The following LRRIQ3 variants were observed in gnomAD, a reference collection of about 807,000 sequenced individuals.
LRRIQ3 encodes the protein leucine rich repeats and IQ motif containing 3.
A neutral mutation model predicts 59.3 loss-of-function variants in LRRIQ3; 75 were observed. The ratio of observed to expected loss-of-function variants is 1.26; its 90% CI spans 1.05 to 1.53. LRRIQ3 has a LOEUF of 1.53. Ranked by LOEUF, LRRIQ3 falls within the 40% of genes most tolerant of loss-of-function variation. LRRIQ3 has a pLI of 0.00. For missense variants in LRRIQ3, 831 were observed against 710.0 expected, an observed-to-expected ratio of 1.17 and a Z score of -1.94; for synonymous variants, 250 against 231.3, an observed-to-expected ratio of 1.08 and a Z score of -0.73.
rs140503197 is a variant in LRRIQ3, at chr1:74,111,820, A to T, written c.708-2267T>A. Among the ~76,000 whole-genome samples the T allele has an allele frequency of 3.6e-3, 541 of 152,212 alleles. 4 individuals carry two copies. Among genetic ancestry groups the T allele is most frequent in the Admixed American group, 0.011 (174 of 15,256 alleles). On this transcript the variant is annotated intron_variant, in intron 4 of 7. Transcript: ENST00000354431. ...ACCCTGAATAAGTACAGCCAAGAAC[A>T]TAGGATCCCTCTACTACTGGGTCCC...
intron 5 of LRRIQ3, among the ~76,000 whole-genome samples, chr1:74,090,280 G>T (rs1469551963): frequency 6.6e-6 from 1 of 151,444 alleles, no homozygotes; most frequent in African/African-American, 2.4e-5. Context: ...AATAAATCAG[G>T]ATTCAAGATA....
rs374154281 is a variant in LRRIQ3 at position 74,183,471 on chromosome 1, T to C, written c.214A>G (p.Ile72Val). Residue 72 changes from isoleucine to valine, a missense_variant, in exon 2 of 8, where the codon ATA (isoleucine) becomes GTA (valine). Ile to Val is a conservative substitution (Grantham distance 29). Coordinates refer to ENST00000354431, the MANE Select transcript of LRRIQ3 (RefSeq NM_001105659.2). ...TGGAGATCAAGTTTGATTAATTTTA[T>C]ACAACTTTGAAGTGGATGAATATCT... The part of the protein sequence containing the change: ...ITDIHPLQSC[I>V]KLIKLDLHGN... 7 of 1,600,632 alleles carry C rather than the reference T, an allele frequency of 4.4e-6. No homozygotes were observed. Among genetic ancestry groups the C allele is most frequent in the Non-Finnish European group, 6.0e-6 (7 of 1,173,660 alleles).
At chr1:74,111,254 G>A (rs1646689913) in intron 4 of LRRIQ3, among the ~76,000 whole-genome samples, 1 of 151,922 alleles carries the variant, frequency 6.6e-6, no homozygotes, top group Non-Finnish European at 1.5e-5. Flanking sequence ...CTACTATGTA[G>A]AGACAGATAG....
At chr1:74,034,557 T>C (rs1215340528) in intron 7 of LRRIQ3, among the ~76,000 whole-genome samples, 1 of 151,886 alleles carries the variant, frequency 6.6e-6, no homozygotes, top group Non-Finnish European at 1.5e-5. Context: ...TTTCAATACA[T>C]ACTAGCTTTC....
At chr1:74,128,691 G>A (rs574171560) in intron 4 of LRRIQ3, among the ~76,000 whole-genome samples, 2 of 152,130 alleles carry the variant, frequency 1.3e-5, no homozygotes, top group East Asian at 3.9e-4. Context: ...GAAGAATTGG[G>A]TATTTATTGG....
rs1431817138 is a variant in LRRIQ3, at chr1:74,041,312, T to A, written c.1619A>T (p.Lys540Met). 1 of 1,613,810 alleles carries A rather than the reference T, an allele frequency of 6.2e-7. No homozygotes were observed. Among genetic ancestry groups the A allele is most frequent in the South Asian group, 1.1e-5 (1 of 91,018 alleles). ...RGLLKIDRLE[K>M]NEAVLKEKSL... The stretch of plus-strand genomic sequence containing the variant: ...TTTCTCTTTTAGGACAGCCTCATTC[T>A]TCTCCAGTCTGTCAATTTTAAGTAG... The change falls in exon 7 of 8, where the codon AAG becomes ATG. Residue 540 changes from lysine (K) to methionine (M), a missense_variant. By Grantham distance (95) the Lys-to-Met change is moderately conservative. Coordinates refer to ENST00000354431, the MANE Select transcript of LRRIQ3 (RefSeq NM_001105659.2).
intron 4 of LRRIQ3, among the ~76,000 whole-genome samples, chr1:74,149,680 T>C (rs1468773142): frequency 6.6e-6 from 1 of 152,234 alleles, no homozygotes. Context: ...ATACTACTTT[T>C]CTTATTCCCC....
At chr1:74,027,089 A>T in intron 7 of LRRIQ3, 120 bp from the exon 8 acceptor site, 1 of 571,850 alleles carries the variant, frequency 1.7e-6, no homozygotes, top group Non-Finnish European at 2.9e-6. Flanking sequence ...ACAAGTGAGA[A>T]AGACACAACT....
intron 1 of LRRIQ3, among the ~76,000 whole-genome samples, chr1:74,183,918 A>T (rs1650184685): frequency 6.6e-6 from 1 of 152,050 alleles, no homozygotes; most frequent in Admixed American, 6.6e-5. Context: ...ACTAATTAGC[A>T]AGAGGAAGAC....
At chr1:74,100,813 A>G (rs1018805919) in intron 5 of LRRIQ3, among the ~76,000 whole-genome samples, 1 of 151,946 alleles carries the variant, frequency 6.6e-6, no homozygotes, top group Non-Finnish European at 1.5e-5. Flanking sequence ...TGGGGAAAGG[A>G]TTCCCTATTT....
chr1:74,114,846 A>G (rs1646756173), intron 4 of LRRIQ3, among the ~76,000 whole-genome samples: 1 of 152,018 alleles, frequency 6.6e-6, no homozygotes, highest in Non-Finnish European at 1.5e-5. Context: ...AAAGCTGTAA[A>G]AGAAGAGAGG....
chr1:74,106,911 G>C (rs553923940), intron 5 of LRRIQ3, among the ~76,000 whole-genome samples: 1 of 152,022 alleles, frequency 6.6e-6, no homozygotes, highest in South Asian at 2.1e-4. Flanking sequence ...GTAAGCCATG[G>C]AAAAGTAATG....
chr1:74,133,315 G>C (rs1043505841), intron 4 of LRRIQ3, among the ~76,000 whole-genome samples: 18 of 152,088 alleles, frequency 1.2e-4, no homozygotes, highest in Non-Finnish European at 2.2e-4. Context: ...GATTCCTCAG[G>C]GATCTAGAAC....
chr1:74,148,386 T>C (rs1647710256), intron 4 of LRRIQ3, among the ~76,000 whole-genome samples: 1 of 152,072 alleles, frequency 6.6e-6, no homozygotes, highest in African/African-American at 2.4e-5. Flanking sequence ...TAGCAAGACT[T>C]TGCTGGTGAC....
chr1:74,164,943 T>C (rs574064862), intron 3 of LRRIQ3, among the ~76,000 whole-genome samples: 7 of 151,634 alleles, frequency 4.6e-5, no homozygotes, highest in Admixed American at 4.6e-4. Context: ...TCAAATTACA[T>C]TTGTACCTTT....
chr1:74,124,997 G>T (rs567062296), intron 4 of LRRIQ3, among the ~76,000 whole-genome samples: 1 of 150,464 alleles, frequency 6.6e-6, no homozygotes, highest in Non-Finnish European at 1.5e-5. Flanking sequence ...AGGAACATAT[G>T]TATTTCCATT....
rs1254709372 is a variant in LRRIQ3, at chr1:74,026,048, A to G, written c.*765T>C. The G allele has an allele frequency of 6.6e-6, 1 of 151,872 alleles. No individual in the cohort carries two copies. Among genetic ancestry groups the G allele is most frequent in the Non-Finnish European group, 1.5e-5 (1 of 67,892 alleles). 9.4% of individuals were successfully genotyped at this position (151,872 alleles called of 1,614,324 possible). A position where few individuals can be genotyped will look rare whatever the true frequency, so the allele number is the denominator to read the frequency against. On this transcript the variant is annotated 3_prime_UTR_variant, in exon 8 of 8. Coordinates refer to ENST00000354431, the MANE Select transcript of LRRIQ3 (RefSeq NM_001105659.2). ...TCTTTTTTAACAGTTTATTTTTCAA[A>G]TTTTCTACCATTGGTATGTATTAAA...
intron 3 of LRRIQ3, among the ~76,000 whole-genome samples, chr1:74,179,180 T>C (rs1050553647): frequency 2.0e-4 from 30 of 152,150 alleles, no homozygotes; most frequent in East Asian, 1.9e-4. Flanking sequence ...AATATAAATA[T>C]ATATCCTTCT....
At chr1:74,169,347 C>G (rs1304926357) in intron 3 of LRRIQ3, among the ~76,000 whole-genome samples, 1 of 152,078 alleles carries the variant, frequency 6.6e-6, no homozygotes, top group Non-Finnish European at 1.5e-5. Flanking sequence ...GTTTCTGTCT[C>G]TTGGCCATTA....
Sources: allele counts gnomAD v4.1 joint callset (sites outside exome capture counted in the v4.1 genomes callset), GRCh38; gene constraint gnomAD v4.1.1; transcripts MANE v1.5; gene names NCBI Gene and HGNC (gene_info 2026-07-23, HGNC 2026-07-21).